Variants in KCNIP4 observed in about 807,000 individuals in gnomAD.
The protein encoded by KCNIP4 is Kv channel-interacting protein 4.
KCNIP4 carries 12 observed loss-of-function variants against 34.0 expected under a neutral mutation model. The observed-to-expected ratio is 0.35, with a 90% CI of 0.23 to 0.57. KCNIP4 has a LOEUF of 0.57. Among genes scored for constraint, KCNIP4 ranks in the 20% least tolerant of loss-of-function variants. KCNIP4 has a pLI of 0.83. For synonymous variants in KCNIP4, 124 were observed against 102.2 expected, an observed-to-expected ratio of 1.21 and a Z score of -1.29; for missense variants, 238 against 311.7, an observed-to-expected ratio of 0.76 and a Z score of 1.78.
At chr4:20,762,002 C>G (rs1053588853) in intron 3 of KCNIP4, among the ~76,000 whole-genome samples, 1 of 152,178 alleles carries the variant, frequency 6.6e-6, no homozygotes, top group African/African-American at 2.4e-5. Flanking sequence ...CATGGAACCT[C>G]TATCCAACTA....
intron 1 of KCNIP4, among the ~76,000 whole-genome samples, chr4:20,884,763 A>C (rs1191686154): frequency 1.4e-5 from 2 of 145,264 alleles, no homozygotes; most frequent in Non-Finnish European, 3.0e-5. Context: ...GCTGGAGTGC[A>C]GTGGCGCGAT....
chr4:21,805,025 T>C (rs572514372), intron 1 of KCNIP4, among the ~76,000 whole-genome samples: 2 of 152,260 alleles, frequency 1.3e-5, no homozygotes, highest in African/African-American at 4.8e-5. Flanking sequence ...GAGGTAGAGA[T>C]TAGGATCTCA....
intron 3 of KCNIP4, among the ~76,000 whole-genome samples, chr4:20,810,620 T>C (rs772419790): frequency 7.9e-5 from 12 of 152,154 alleles, no homozygotes; most frequent in Non-Finnish European, 1.6e-4. Flanking sequence ...TGAATGTAGA[T>C]ATTATATCAT....
At chr4:21,426,255 A>G (rs1477958235) in intron 1 of KCNIP4, among the ~76,000 whole-genome samples, 1 of 152,238 alleles carries the variant, frequency 6.6e-6, no homozygotes, top group African/African-American at 2.4e-5. Flanking sequence ...AAACCAGAGT[A>G]GTTTAGTGAC....
intron 1 of KCNIP4, among the ~76,000 whole-genome samples, chr4:21,104,484 C>G (rs949126030): frequency 1.3e-5 from 2 of 151,952 alleles, no homozygotes; most frequent in African/African-American, 4.8e-5. Context: ...TTTGTAGATT[C>G]TGGATATTAG....
chr4:21,406,318 C>T (rs1040384858), intron 1 of KCNIP4, among the ~76,000 whole-genome samples: 1 of 152,168 alleles, frequency 6.6e-6, no homozygotes, highest in Non-Finnish European at 1.5e-5. Context: ...AAAACCCTCT[C>T]CTATCTCTTC....
At chr4:20,906,051 TCCTCCCTCCCTC>T in intron 1 of KCNIP4, among the ~76,000 whole-genome samples, 1 of 150,328 alleles carries the variant, frequency 6.7e-6, no homozygotes, top group African/African-American at 2.4e-5. Flanking sequence ...CCCCTTCTCT[TCCTCCCTCCCTC>T]CCTCCCTTCC....
intron 2 of KCNIP4, among the ~76,000 whole-genome samples, chr4:20,877,970 C>CTT (rs10713065): frequency 0.36 from 53,349 of 148,236 alleles, 9,768 homozygotes; most frequent in South Asian, 0.42. Flanking sequence ...TTCTCTCTCT[C>CTT]TTTTTTTTTT....
rs550790877 is a variant in KCNIP4, at chr4:21,670,749, G to A, written c.61+277822C>T. On this transcript the variant is annotated intron_variant, in intron 1 of 8. Coordinates refer to ENST00000382152, the MANE Select transcript of KCNIP4 (RefSeq NM_025221.6). ...TGGCTCACTGCAAGCTCCGCCTCCC[G>A]GGTTCAGGCCATTCTCCTGCCTCAG... Among the ~76,000 whole-genome samples the A allele has an allele frequency of 1.3e-4, 20 of 152,018 alleles. No individual in the cohort carries two copies. In the South Asian group the frequency reaches 3.5e-3, roughly 27 times the overall value.
intron 1 of KCNIP4, among the ~76,000 whole-genome samples, chr4:21,449,838 G>A (rs753475672): frequency 4.0e-5 from 6 of 151,714 alleles, no homozygotes; most frequent in East Asian, 3.9e-4. Flanking sequence ...TTTTCCTTAC[G>A]TATATCCTCA....
intron 1 of KCNIP4, among the ~76,000 whole-genome samples, chr4:21,321,813 G>T (rs1714486893): frequency 6.8e-6 from 1 of 147,248 alleles, no homozygotes; most frequent in African/African-American, 2.5e-5. Flanking sequence ...AGAAGAGGAG[G>T]GAAGGAGAAA....
At chr4:21,593,653 C>T (rs1742398064) in intron 1 of KCNIP4, among the ~76,000 whole-genome samples, 1 of 152,232 alleles carries the variant, frequency 6.6e-6, no homozygotes, top group Middle Eastern at 3.4e-3. Context: ...CCACAACCTA[C>T]TGGAGCCAGC....
intron 1 of KCNIP4, among the ~76,000 whole-genome samples, chr4:21,917,069 C>T (rs1417456284): frequency 2.6e-5 from 4 of 152,134 alleles, no homozygotes; most frequent in African/African-American, 4.8e-5. Flanking sequence ...CTTATGTAAT[C>T]GACTAGTGTG....
intron 1 of KCNIP4, among the ~76,000 whole-genome samples, chr4:21,866,350 T>C (rs991808012): frequency 1.3e-5 from 2 of 152,194 alleles, no homozygotes; most frequent in Non-Finnish European, 2.9e-5. Flanking sequence ...GCTCTGTTTA[T>C]TCAGGGGAAA....
At chr4:21,529,362 T>A (rs369780266) in intron 1 of KCNIP4, among the ~76,000 whole-genome samples, 1 of 152,216 alleles carries the variant, frequency 6.6e-6, no homozygotes, top group East Asian at 1.9e-4. Flanking sequence ...GAACATCAAG[T>A]ACCAAGGATA....
At chr4:21,792,639 T>C (rs1412541298) in intron 1 of KCNIP4, among the ~76,000 whole-genome samples, 3 of 152,102 alleles carry the variant, frequency 2.0e-5, no homozygotes, top group African/African-American at 7.2e-5. Context: ...AGGACTTGGT[T>C]TCACAGCTGG....
rs571235092 is a variant in KCNIP4, at chr4:21,519,620, GTA to G, written c.61+428949_61+428950del. ...TATATATACACATATGTGTGTGTAT[GTA>G]TGTGTATATACACAAATGTGTGTGT... On this transcript the variant is annotated intron_variant, in intron 1 of 8. Transcript: ENST00000382152. Among the ~76,000 whole-genome samples, 5 of 137,022 alleles carry G rather than the reference GTA, an allele frequency of 3.6e-5. 2 individuals are homozygous for G. The highest frequency in any genetic ancestry group is 4.7e-4 in the South Asian group (2 of 4,286). 89.9% of individuals were successfully genotyped at this position (137,022 alleles called of 152,430 possible).
chr4:21,634,242 A>C (rs2109214124), intron 1 of KCNIP4, among the ~76,000 whole-genome samples: 1 of 147,118 alleles, frequency 6.8e-6, no homozygotes, highest in Admixed American at 6.8e-5. Flanking sequence ...AAAAAAAAAA[A>C]AAAAACACAT....
At chr4:21,322,044 G>C (rs1368712572) in intron 1 of KCNIP4, among the ~76,000 whole-genome samples, 2 of 141,618 alleles carry the variant, frequency 1.4e-5, no homozygotes, top group African/African-American at 2.6e-5. Flanking sequence ...AGGGGAGGAA[G>C]GAAGGAAGAA....
Sources: allele counts gnomAD v4.1 joint callset (sites outside exome capture counted in the v4.1 genomes callset), GRCh38; gene constraint gnomAD v4.1.1; transcripts MANE v1.5; gene names NCBI Gene and HGNC (gene_info 2026-07-23, HGNC 2026-07-21).